Variants in DNAH11 observed in about 807,000 individuals in gnomAD.
The protein encoded by DNAH11 is axonemal beta dynein heavy chain 11.
DNAH11 carries 442 observed loss-of-function variants against 526.0 expected under a neutral mutation model. That is an observed-to-expected ratio of 0.84 (90% confidence interval 0.78 to 0.91). The LOEUF is 0.91. DNAH11 is among the 40% of genes least tolerant of loss of function. DNAH11 has a pLI of 0.00. For synonymous variants in DNAH11, 2,461 were observed against 1,935.9 expected (o/e 1.27, Z -7.12); for missense variants, 6,989 against 5,448.7 (o/e 1.28, Z -8.90).
At chr7:21,656,648 C>T (rs747308867) in intron 29 of DNAH11, among the ~76,000 whole-genome samples, 20 of 152,070 alleles carry the variant, frequency 1.3e-4, no homozygotes, top group Non-Finnish European at 2.9e-4. Flanking sequence ...ATGGAGCTTG[C>T]GTAGCTTGGG....
chr7:21,803,805 G>C (rs1318916433), intron 62 of DNAH11, among the ~76,000 whole-genome samples: 1 of 150,246 alleles, frequency 6.7e-6, no homozygotes, highest in Non-Finnish European at 1.5e-5. Flanking sequence ...TTGAAGTCTG[G>C]AAAAGTGGGG....
chr7:21,631,814 A>G (rs986466457), intron 25 of DNAH11, among the ~76,000 whole-genome samples: 18 of 152,050 alleles, frequency 1.2e-4, no homozygotes, highest in Non-Finnish European at 2.4e-4. Context: ...CTGTCGGTGG[A>G]TCTACCTTTC....
intron 25 of DNAH11, among the ~76,000 whole-genome samples, chr7:21,628,086 A>G (rs1055293607): frequency 2.0e-5 from 3 of 151,772 alleles, no homozygotes; most frequent in African/African-American, 4.8e-5. Flanking sequence ...TCTTTTTTCA[A>G]ATGTTTTCTG....
At chr7:21,858,099 A>G (rs1782922558) in intron 68 of DNAH11, among the ~76,000 whole-genome samples, 2 of 152,182 alleles carry the variant, frequency 1.3e-5, no homozygotes, top group South Asian at 2.1e-4. Context: ...CAGACATGTA[A>G]TAACACATGT....
chr7:21,895,017 C>T lies in DNAH11; in HGVS notation c.13049+18C>T. The T allele has an allele frequency of 6.2e-7, 1 of 1,602,658 alleles. No homozygotes were observed. The highest frequency in any genetic ancestry group is 8.5e-7 in the Non-Finnish European group (1 of 1,169,936). ...GCCCAGTGGTAAGCTACCCCATCCT[C>T]ACTGCCACTGGCCCTGAGCAGCCTC... On this transcript the variant is annotated intron_variant, in intron 79 of 81. Transcript: ENST00000409508.
At chr7:21,811,853 G>T (rs1261671382) in intron 63 of DNAH11, among the ~76,000 whole-genome samples, 1 of 152,060 alleles carries the variant, frequency 6.6e-6, no homozygotes, top group Non-Finnish European at 1.5e-5. Flanking sequence ...CAAAGAGTTG[G>T]GTACAGGAAT....
chr7:21,816,001 A>G (rs1181319326), intron 63 of DNAH11, among the ~76,000 whole-genome samples: 3 of 152,152 alleles, frequency 2.0e-5, no homozygotes, highest in African/African-American at 4.8e-5. Context: ...AATACTTTCC[A>G]TTAATCCATC....
At chr7:21,890,941 T>C (rs911492868) in intron 76 of DNAH11, among the ~76,000 whole-genome samples, 1 of 152,164 alleles carries the variant, frequency 6.6e-6, no homozygotes, top group Non-Finnish European at 1.5e-5. Context: ...ATAAAAATGC[T>C]GTGTCGAATG....
intron 36 of DNAH11, among the ~76,000 whole-genome samples, chr7:21,699,810 A>C (rs1783987497): frequency 6.6e-6 from 1 of 152,120 alleles, no homozygotes. Context: ...AGTAATATTT[A>C]AACATTTAAT....
intron 4 of DNAH11, 140 bp from the exon 5 acceptor site, chr7:21,560,931 G>T: frequency 1.6e-6 from 1 of 620,056 alleles, no homozygotes; most frequent in South Asian, 2.2e-5. Flanking sequence ...ATTTTCAACT[G>T]GAAACCAGAT....
chr7:21,684,928 T>C (rs2128473338), intron 32 of DNAH11, among the ~76,000 whole-genome samples: 1 of 152,232 alleles, frequency 6.6e-6, no homozygotes, highest in East Asian at 1.9e-4. Context: ...AGGTCATAGC[T>C]GCATGCCCAA....
chr7:21,729,203 T>C (rs573187239), intron 45 of DNAH11, among the ~76,000 whole-genome samples: 1 of 152,230 alleles, frequency 6.6e-6, no homozygotes, highest in African/African-American at 2.4e-5. Context: ...GGTTGCTAAA[T>C]TGTCTTGTCC....
rs763949207 is a variant in DNAH11 at position 21,687,176 on chromosome 7, C to T, written c.5699C>T (p.Thr1900Ile). 3 of 1,612,800 alleles carry T rather than the reference C, an allele frequency of 1.9e-6. No individual in the cohort carries two copies. The South Asian group carries it at 3.3e-5, about 18-fold the overall frequency. ...GCTGGCCCAGCTGGTACCGGGAAAACAGAGACCACCAAAGACCTAGGACGT... is the reference window on the plus strand; with the variant it reads ...GCTGGCCCAGCTGGTACCGGGAAAATAGAGACCACCAAAGACCTAGGACGT... ...APAGPAGTGK[T>I]ETTKDLGRAL... The change falls in exon 33 of 82, where the codon ACA (threonine) becomes ATA (isoleucine). Residue 1900 changes from threonine (T) to isoleucine (I), a missense_variant. Coordinates refer to ENST00000409508, the MANE Select transcript of DNAH11 (RefSeq NM_001277115.2).
At chr7:21,664,336 T>C (rs1202149109) in intron 30 of DNAH11, among the ~76,000 whole-genome samples, 1 of 152,102 alleles carries the variant, frequency 6.6e-6, no homozygotes, top group East Asian at 1.9e-4. Flanking sequence ...GTTATCTTTA[T>C]GTCTGGTTTT....
chr7:21,658,118 G>A (rs962432525), intron 29 of DNAH11, among the ~76,000 whole-genome samples: 4 of 151,790 alleles, frequency 2.6e-5, no homozygotes, highest in Non-Finnish European at 5.9e-5. Flanking sequence ...ATGGAAACTG[G>A]GCTAAGTTGT....
intron 54 of DNAH11, among the ~76,000 whole-genome samples, chr7:21,755,326 C>A (rs1023663386): frequency 2.6e-5 from 4 of 152,198 alleles, no homozygotes; most frequent in Non-Finnish European, 5.9e-5. Context: ...CAGTTCTCAT[C>A]TTGCAGCTCG....
rs1785014151 is a variant in DNAH11, at chr7:21,599,999, C to T, written c.2880C>T (p.Ser960=). The T allele has an allele frequency of 1.2e-6, 2 of 1,613,180 alleles. No homozygotes were observed. The highest frequency in any genetic ancestry group is 3.3e-5 in the Admixed American group (2 of 59,920). The part of the protein sequence containing the change: ...LLPPEIVFKP[S]LDREAGDGFY... ...CTCCTGAGATTGTGTTTAAACCTTCCCTAGACAGAGAGGCTGGGGATGGCT... is the reference window on the plus strand; with the variant it reads ...CTCCTGAGATTGTGTTTAAACCTTCTCTAGACAGAGAGGCTGGGGATGGCT... Residue 960 remains serine (S), a synonymous_variant, in exon 15 of 82, where the codon TCC becomes TCT. Transcript: ENST00000409508.
At chr7:21,897,535 T>C (rs903578862) in intron 79 of DNAH11, among the ~76,000 whole-genome samples, 2 of 152,234 alleles carry the variant, frequency 1.3e-5, no homozygotes, top group Non-Finnish European at 2.9e-5. Context: ...TATTGATTAC[T>C]CTCTACCAAA....
At chr7:21,603,769 G>C (rs1290949223) in intron 18 of DNAH11, among the ~76,000 whole-genome samples, 1 of 152,146 alleles carries the variant, frequency 6.6e-6, no homozygotes, top group African/African-American at 2.4e-5. Context: ...GGAAGATTTA[G>C]ATATTCCTTG....
Sources: gnomAD v4.1 joint callset for allele counts (sites outside exome capture counted in the v4.1 genomes callset) on GRCh38, gnomAD v4.1.1 for gene constraint, MANE v1.5 for transcripts, NCBI Gene and HGNC (gene_info 2026-07-23, HGNC 2026-07-21) for gene names.